Variants in NEBL observed in about 807,000 individuals in gnomAD.
The protein encoded by NEBL is LIM and SH3 protein 2.
NEBL carries 122 observed loss-of-function variants against 140.2 expected under a neutral mutation model. The ratio of observed to expected loss-of-function variants is 0.87; its 90% CI spans 0.75 to 1.01. NEBL has a LOEUF of 1.01. NEBL is among the 50% of genes least tolerant of loss of function. The pLI, the probability that NEBL is intolerant of heterozygous loss-of-function variation, is 0.00. For synonymous variants in NEBL, 436 were observed against 398.9 expected (o/e 1.09, Z -1.11); for missense variants, 1,365 against 1,231.3 (o/e 1.11, Z -1.62).
At chr10:21,048,504 C>T (rs1489929314) in intron 2 of NEBL, among the ~76,000 whole-genome samples, 1 of 148,110 alleles carries the variant, frequency 6.8e-6, no homozygotes, top group Admixed American at 6.7e-5. Context: ...AGATTTAGCA[C>T]CACATGAGTT....
intron 4 of NEBL, among the ~76,000 whole-genome samples, chr10:20,910,574 G>A (rs1848286446): frequency 6.6e-6 from 1 of 152,146 alleles, no homozygotes; most frequent in Non-Finnish European, 1.5e-5. Context: ...TTGAAAAGGA[G>A]CAAGCATTGG....
chr10:20,963,019 C>T (rs1033847736), intron 3 of NEBL, among the ~76,000 whole-genome samples: 2 of 151,262 alleles, frequency 1.3e-5, no homozygotes, highest in Non-Finnish European at 2.9e-5. Flanking sequence ...CACACACACA[C>T]ACACACACAC....
In NEBL at chr10:20,850,478, T is replaced by C. The variant is rs1842399389; in HGVS notation, c.1033A>G (p.Lys345Glu). The C allele has an allele frequency of 6.2e-7, 1 of 1,606,952 alleles. No individual in the cohort carries two copies. The highest frequency in any genetic ancestry group is 8.5e-7 in the Non-Finnish European group (1 of 1,173,766). The change falls in exon 11 of 28, where the codon AAA becomes GAA. Residue 345 changes from lysine (K) to glutamate (E), a missense_variant. Lys to Glu is a moderately conservative substitution (Grantham distance 56). Coordinates refer to ENST00000377122, the MANE Select transcript of NEBL (RefSeq NM_006393.3). ...SQVKYKEEYE[K>E]NKGKPMLEFV... ...TCAAGCATTGGCTTTCCCTTATTTT[T>C]CTCATATTCTTCTTTATATTTCACC... is the stretch of plus-strand genomic sequence containing the variant.
At chr10:21,232,247 A>G (rs1160386166) in intron 3 of NEBL, among the ~76,000 whole-genome samples, 1 of 152,112 alleles carries the variant, frequency 6.6e-6, no homozygotes, top group Non-Finnish European at 1.5e-5. Context: ...TCTGCAACCC[A>G]TAATACAGAA....
At chr10:21,050,517 T>C (rs373486422) in intron 2 of NEBL, among the ~76,000 whole-genome samples, 47 of 152,286 alleles carry the variant, frequency 3.1e-4, no homozygotes, top group African/African-American at 5.3e-4. Context: ...ACAGCCTTTG[T>C]CTGCAAAGAA....
chr10:21,016,486 A>T (rs146060869), intron 3 of NEBL, among the ~76,000 whole-genome samples: 1 of 152,234 alleles, frequency 6.6e-6, no homozygotes, highest in African/African-American at 2.4e-5. Flanking sequence ...AAAGAAAGAG[A>T]TAACAGTGGG....
At chr10:21,052,351 G>C (rs937113082) in intron 2 of NEBL, among the ~76,000 whole-genome samples, 2 of 152,202 alleles carry the variant, frequency 1.3e-5, no homozygotes, top group African/African-American at 4.8e-5. Flanking sequence ...GCTAAAAGAA[G>C]CTAAGCTTTC....
At chr10:20,796,348 G>C (rs1836522327) in intron 26 of NEBL, among the ~76,000 whole-genome samples, 1 of 92,276 alleles carries the variant, frequency 1.1e-5, no homozygotes, top group Admixed American at 1.7e-4. Context: ...TGACAAGAGT[G>C]AAACTCAGTC....
chr10:21,020,699 C>T (rs750739188), intron 2 of NEBL, among the ~76,000 whole-genome samples: 7 of 152,152 alleles, frequency 4.6e-5, no homozygotes, highest in Non-Finnish European at 7.3e-5. Flanking sequence ...TGTAGTCCTC[C>T]TCTTGGGCGG....
chr10:20,911,438 CTCTT>C lies in NEBL; in HGVS notation c.357+50230_357+50233del, dbSNP rs536530442. 1.9e-4 allele frequency among the ~76,000 whole-genome samples: 29 copies of C among 152,266 alleles called. 1 individual carries two copies. In the South Asian group the frequency reaches 6.0e-3, roughly 32 times the overall value. On this transcript the variant is annotated intron_variant, in intron 4 of 6. Coordinates refer to the NEBL transcript ENST00000417816. ...TGGCTGAAACCCACATTTTAAAACT[CTCTT>C]TGTATTATGATTACATTTCAGAAAC...
intron 26 of NEBL, among the ~76,000 whole-genome samples, chr10:20,789,960 T>C (rs1436960205): frequency 6.6e-6 from 1 of 150,906 alleles, no homozygotes; most frequent in Non-Finnish European, 1.5e-5. Flanking sequence ...TGTGTATATA[T>C]ATATATATAC....
intron 4 of NEBL, among the ~76,000 whole-genome samples, chr10:20,916,561 T>TA (rs1414135768): frequency 6.6e-6 from 1 of 152,000 alleles, no homozygotes; most frequent in Non-Finnish European, 1.5e-5. Context: ...CATGCACCAC[T>TA]ACCACTTGGC....
chr10:21,195,553 T>G (rs550281777), intron 3 of NEBL, among the ~76,000 whole-genome samples: 24 of 152,356 alleles, frequency 1.6e-4, no homozygotes, highest in African/African-American at 5.0e-4. Context: ...GTGCTTTCAA[T>G]GACTGGCTAA....
At chr10:20,886,994 AGAT>A (rs1217116668) in intron 4 of NEBL, among the ~76,000 whole-genome samples, 1 of 152,246 alleles carries the variant, frequency 6.6e-6, no homozygotes, top group East Asian at 1.9e-4. Flanking sequence ...GGAACGAGAC[AGAT>A]GAGGTCCCTG....
chr10:21,022,181 A>C (rs1389824955), intron 2 of NEBL, among the ~76,000 whole-genome samples: 1 of 152,104 alleles, frequency 6.6e-6, no homozygotes, highest in Non-Finnish European at 1.5e-5. Flanking sequence ...AAAGCCACAG[A>C]GCTCAGAGCT....
At chr10:21,186,988 ATGTGTGTGTGTG>A (rs35359446) in intron 3 of NEBL, among the ~76,000 whole-genome samples, 51 of 141,986 alleles carry the variant, frequency 3.6e-4, no homozygotes, top group Admixed American at 1.6e-3. Flanking sequence ...CCAACTCTGT[ATGTGTGTGTGTG>A]TGTGTGTGTG....
At chr10:21,105,608 C>G (rs1837680268) in intron 2 of NEBL, among the ~76,000 whole-genome samples, 2 of 152,064 alleles carry the variant, frequency 1.3e-5, no homozygotes, top group Admixed American at 1.3e-4. Flanking sequence ...TGGGTTGGTT[C>G]CAAGTCTTTG....
intron 5 of NEBL, among the ~76,000 whole-genome samples, chr10:20,873,603 C>A (rs1413735492): frequency 6.6e-6 from 1 of 151,832 alleles, no homozygotes; most frequent in African/African-American, 2.4e-5. Context: ...TATTATGTAC[C>A]ATATTAAGGA....
chr10:21,060,428 G>A (rs1835222000), intron 2 of NEBL, among the ~76,000 whole-genome samples: 1 of 152,156 alleles, frequency 6.6e-6, no homozygotes, highest in Admixed American at 6.5e-5. Flanking sequence ...ACTTGAGCGT[G>A]TATCAGAATC....
Sources: gnomAD v4.1 joint callset for allele counts (sites outside exome capture counted in the v4.1 genomes callset) on GRCh38, gnomAD v4.1.1 for gene constraint, MANE v1.5 for transcripts, NCBI Gene and HGNC (gene_info 2026-07-23, HGNC 2026-07-21) for gene names.